Variants in CWC15 observed in about 807,000 individuals in gnomAD.
CWC15 encodes the protein spliceosome-associated protein CWC15 homolog.
Under a neutral mutation model 28.4 loss-of-function variants are expected in CWC15, and 12 were observed. The observed-to-expected ratio is 0.42, with a 90% CI of 0.27 to 0.69. The LOEUF (loss-of-function observed/expected upper bound fraction) is 0.69. CWC15 is among the 30% of genes least tolerant of loss of function. CWC15 has a pLI of 0.23. For synonymous variants in CWC15, 92 were observed against 88.4 expected (o/e 1.04, Z -0.23); for missense variants, 192 against 271.5 (o/e 0.71, Z 2.06).
intron 1 of CWC15, among the ~76,000 whole-genome samples, chr11:94,972,423 A>C (rs1453379570): frequency 3.9e-5 from 6 of 152,144 alleles, no homozygotes; most frequent in African/African-American, 1.4e-4. Context: ...TGAAGATCTG[A>C]GTTTGCATCC....
intron 4 of CWC15, 45 bp from the exon 5 acceptor site, chr11:94,970,141 A>C: frequency 1.0e-6 from 1 of 969,122 alleles, no homozygotes; most frequent in East Asian, 2.7e-5. Context: ...GAAAATACAC[A>C]CTACCAAAAC....
chr11:94,970,583 A>C (rs1414596813), intron 4 of CWC15: 1 of 195,656 alleles, frequency 5.1e-6, no homozygotes, highest in Non-Finnish European at 1.1e-5. Context: ...GCACTTATAG[A>C]AGGGGACATA....
At chr11:94,965,433 T>C (rs1362575732) in intron 6 of CWC15, among the ~76,000 whole-genome samples, 1 of 152,218 alleles carries the variant, frequency 6.6e-6, no homozygotes, top group African/African-American at 2.4e-5. Context: ...CCTCCTTTTT[T>C]ACCCCTCCAA....
chr11:94,965,112 C>T (rs1208338869), intron 6 of CWC15, among the ~76,000 whole-genome samples: 1 of 152,044 alleles, frequency 6.6e-6, no homozygotes. Flanking sequence ...ATGCATCACT[C>T]CAGAGGGGAA....
At position 94,972,328 on chromosome 11, in the gene CWC15, A is replaced by T. The variant is rs116099217; in HGVS notation, c.-8-135T>A. 174 of 838,078 alleles carry T rather than the reference A, an allele frequency of 2.1e-4. 1 individual carries two copies. In the African/African-American group the frequency reaches 2.9e-3, roughly 14 times the overall value. 51.9% of individuals were successfully genotyped at this position (838,078 alleles called of 1,614,324 possible). ...AACCTGCTTAATCTTCTTAAACAAA[A>T]GTTTTCAAGAAAACAAATTATGAGG... On this transcript the variant is annotated intron_variant, in intron 1 of 6. Transcript: ENST00000279839.
At chr11:94,964,816 G>A (rs1460397956) in intron 6 of CWC15, among the ~76,000 whole-genome samples, 2 of 152,154 alleles carry the variant, frequency 1.3e-5, no homozygotes, top group African/African-American at 4.8e-5. Flanking sequence ...ACAGGTACTG[G>A]TAACTAATAA....
Position 94,973,527 on chromosome 11 carries a change from G to C in CWC15, c.-38C>G, listed in dbSNP as rs908581569. The C allele has an allele frequency of 6.6e-6, 1 of 152,390 alleles. No individual in the cohort carries two copies. Among genetic ancestry groups the C allele is most frequent in the Non-Finnish European group, 1.5e-5 (1 of 68,158 alleles). 9.4% of individuals were successfully genotyped at this position (152,390 alleles called of 1,614,324 possible). A position where few individuals can be genotyped will look rare whatever the true frequency, so the allele number is the denominator to read the frequency against. On this transcript the variant is annotated 5_prime_UTR_variant, in exon 1 of 7. Transcript: ENST00000279839. ...GCCGAGGTCCGATGCAGCAGGCTCC[G>C]AAGATCATACAGACGCCATTACCAC...
Position 94,970,049 on chromosome 11 carries a change from T to C in CWC15, c.381A>G (p.Ala127=), listed in dbSNP as rs1268442895. The change falls in exon 5 of 7, where the codon GCA becomes GCG. Residue 127 remains alanine, a synonymous_variant. Transcript: ENST00000279839. The part of the protein sequence containing the change: ...FEEESDDDDT[A]ALLAELEKIK... ...TTTTTTCCAGTTCTGCAAGAAGAGC[T>C]GCAGTATCATCATCATCACTTTCTT... 1.3e-6 allele frequency: 2 copies of C among 1,574,630 alleles called. No homozygotes were observed.
intron 6 of CWC15, among the ~76,000 whole-genome samples, chr11:94,964,443 G>A (rs1238191494): frequency 6.6e-6 from 1 of 152,148 alleles, no homozygotes; most frequent in Non-Finnish European, 1.5e-5. Context: ...AGATCAATAT[G>A]ACTGGGATAT....
chr11:94,970,942 A>G (rs782205354), intron 4 of CWC15, 35 bp downstream of exon 4: 1 of 1,480,070 alleles, frequency 6.8e-7, no homozygotes, highest in South Asian at 1.1e-5. Context: ...ATGGTAAATC[A>G]ATTATTAGAG....
chr11:94,964,856 A>G (rs1857616255), intron 6 of CWC15, among the ~76,000 whole-genome samples: 1 of 152,274 alleles, frequency 6.6e-6, no homozygotes, highest in East Asian at 1.9e-4. Context: ...TACCAAGCTC[A>G]GTTCTGACTT....
At chr11:94,971,146 G>A in intron 3 of CWC15, 81 bp from the exon 4 acceptor site, 1 of 1,264,358 alleles carries the variant, frequency 7.9e-7, no homozygotes, top group African/African-American at 1.5e-5. Context: ...GTGAGCACAA[G>A]GAGCCCACAT....
At position 94,972,253 on chromosome 11, in the gene CWC15, A is replaced by G. The variant is rs1441942925; in HGVS notation, c.-8-60T>C. Reference sequence around the variant, plus strand: ...ATTACAAACACTCATTTTATAGAGTATTAATCAATATCCATACTGGTAAAA... The same window carrying G: ...ATTACAAACACTCATTTTATAGAGTGTTAATCAATATCCATACTGGTAAAA... On this transcript the variant is annotated intron_variant, in intron 1 of 6. Coordinates refer to ENST00000279839, the MANE Select transcript of CWC15 (RefSeq NM_016403.4). The G allele has an allele frequency of 2.7e-6, 4 of 1,457,544 alleles. No homozygotes were observed. In the African/African-American group the frequency reaches 5.6e-5, roughly 21 times the overall value. The allele number at this position is 1,457,544 out of a possible 1,614,324, so 90.3% of individuals were successfully genotyped here.
rs1555096327 is a variant in CWC15 at position 94,972,127 on chromosome 11, TCTC to T, written c.56_58del (p.Gly19del). 1 of 1,613,858 alleles carries T rather than the reference TCTC, an allele frequency of 6.2e-7. No homozygotes were observed. The highest frequency in any genetic ancestry group is 1.7e-5 in the Admixed American group (1 of 60,010). ...CTTTGAAAGTTGGCTCAAATCACCT[TCTC>T]CTTTTCCCCTTCCACCTCTGGCAGG... is the stretch of plus-strand genomic sequence containing the variant. On this transcript the variant is annotated inframe_deletion, in exon 2 of 7. Transcript: ENST00000279839.
intron 4 of CWC15, 186 bp downstream of exon 4, chr11:94,970,791 G>A (rs1318048874): frequency 3.4e-6 from 2 of 582,340 alleles, no homozygotes; most frequent in Non-Finnish European, 6.1e-6. Context: ...TGTTCTTAAA[G>A]TCCCACAAAA....
At chr11:94,963,570 A>C (rs750990418) in intron 6 of CWC15, 56 bp from the exon 7 acceptor site, 2 of 1,496,654 alleles carry the variant, frequency 1.3e-6, no homozygotes, top group East Asian at 2.5e-5. Flanking sequence ...GGAGACAAGA[A>C]TACTACATGC....
intron 4 of CWC15, 44 bp downstream of exon 4, chr11:94,970,933 T>C (rs587606997): frequency 1.3e-5 from 19 of 1,430,866 alleles, no homozygotes; most frequent in East Asian, 6.8e-5. Context: ...TAGAATAGCA[T>C]GGTAAATCAA....
intron 6 of CWC15, among the ~76,000 whole-genome samples, chr11:94,965,376 C>A (rs1857624745): frequency 6.6e-6 from 1 of 152,222 alleles, no homozygotes. Context: ...ATATCACCAT[C>A]TGAAGGATTT....
chr11:94,971,211 T>C lies in CWC15; in HGVS notation c.245-146A>G. 3 of 957,128 alleles carry C rather than the reference T, an allele frequency of 3.1e-6. No homozygotes were observed. In the South Asian group the frequency reaches 4.3e-5, roughly 14 times the overall value. The allele number at this position is 957,128 out of a possible 1,614,324, so 59.3% of individuals were successfully genotyped here. A position where few individuals can be genotyped will look rare whatever the true frequency, so the allele number is the denominator to read the frequency against. On this transcript the variant is annotated intron_variant, in intron 3 of 6. Coordinates refer to ENST00000279839, the MANE Select transcript of CWC15 (RefSeq NM_016403.4). Reference sequence around the variant, plus strand: ...CCACAGTGCCTGGGCAAATAAGCCTTTGGTAAATATTTGTTGTTATTATCT... The same window carrying C: ...CCACAGTGCCTGGGCAAATAAGCCTCTGGTAAATATTTGTTGTTATTATCT...
Sources: gnomAD v4.1 joint callset for allele counts (sites outside exome capture counted in the v4.1 genomes callset) on GRCh38, gnomAD v4.1.1 for gene constraint, MANE v1.5 for transcripts, NCBI Gene and HGNC (gene_info 2026-07-23, HGNC 2026-07-21) for gene names.